The following ETS1 variants were observed in gnomAD, a reference collection of about 807,000 sequenced individuals.
The protein encoded by ETS1 is protein C-ets-1.
Under a neutral mutation model 58.6 loss-of-function variants are expected in ETS1, and 15 were observed. That is an observed-to-expected ratio of 0.26 (90% confidence interval 0.17 to 0.39). ETS1 has a LOEUF of 0.39. Among genes scored for constraint, ETS1 ranks in the 10% least tolerant of loss-of-function variants. ETS1 has a pLI of 1.00. For synonymous variants in ETS1, 214 were observed against 218.2 expected, an observed-to-expected ratio of 0.98 and a Z score of 0.17; for missense variants, 417 against 610.5, an observed-to-expected ratio of 0.68 and a Z score of 3.34.
chr11:128,486,157 C>G lies in ETS1; in HGVS notation c.536-11G>C. On this transcript the variant is annotated splice_polypyrimidine_tract_variant and intron_variant, in intron 5 of 9. Coordinates refer to ENST00000392668, the MANE Select transcript of ETS1 (RefSeq NM_001143820.2). ...ATGGTTTCACATCCTCTGTAATGAACAGATAGGGAAGGAACAAAGAGGTCA... is the reference window on the plus strand; with the variant it reads ...ATGGTTTCACATCCTCTGTAATGAAGAGATAGGGAAGGAACAAAGAGGTCA... 1 of 1,569,496 alleles carries G rather than the reference C, an allele frequency of 6.4e-7. No individual in the cohort carries two copies. Among genetic ancestry groups the G allele is most frequent in the Non-Finnish European group, 8.8e-7 (1 of 1,140,110 alleles).
At chr11:128,552,662 A>T (rs574286524) in intron 3 of ETS1, among the ~76,000 whole-genome samples, 1 of 152,344 alleles carries the variant, frequency 6.6e-6, no homozygotes, top group Non-Finnish European at 1.5e-5. Flanking sequence ...ATGACCATTC[A>T]TGAGCATCAT....
intron 3 of ETS1, among the ~76,000 whole-genome samples, chr11:128,540,562 T>A (rs1294271643): frequency 2.0e-5 from 3 of 152,138 alleles, no homozygotes; most frequent in African/African-American, 7.2e-5. Flanking sequence ...CAGGAAAGCC[T>A]GCCCAGTGGG....
chr11:128,461,801 C>G lies in ETS1; in HGVS notation c.*560G>C, dbSNP rs1365441995. 1 of 152,802 alleles carries G rather than the reference C, an allele frequency of 6.5e-6. No homozygotes were observed. The highest frequency in any genetic ancestry group is 1.5e-5 in the Non-Finnish European group (1 of 68,096). The allele number at this position is 152,802 out of a possible 1,614,324, so 9.5% of individuals were successfully genotyped here. A position where few individuals can be genotyped will look rare whatever the true frequency, so the allele number is the denominator to read the frequency against. On this transcript the variant is annotated 3_prime_UTR_variant, in exon 10 of 10. Coordinates refer to ENST00000392668, the MANE Select transcript of ETS1 (RefSeq NM_001143820.2). ...AAATTTAATAAAATAAATTTTAACA[C>G]AACAACGGTTTTGGCCCCTCCCCAC...
intron 3 of ETS1, among the ~76,000 whole-genome samples, chr11:128,516,046 G>A (rs1863515314): frequency 6.6e-6 from 1 of 152,128 alleles, no homozygotes; most frequent in African/African-American, 2.4e-5. Context: ...AATGAAACCA[G>A]ACCTACCACA....
chr11:128,508,702 T>A (rs959227074), intron 3 of ETS1, among the ~76,000 whole-genome samples: 10 of 152,090 alleles, frequency 6.6e-5, no homozygotes, highest in Non-Finnish European at 1.3e-4. Context: ...ACCTGACAAA[T>A]ATAAGAACCA....
At chr11:128,576,160 G>C (rs1463907549) in intron 1 of ETS1, among the ~76,000 whole-genome samples, 1 of 152,148 alleles carries the variant, frequency 6.6e-6, no homozygotes. Context: ...AGTTGCCAGG[G>C]CTCTCAAGGG....
chr11:128,579,331 G>A (rs1864815500), intron 1 of ETS1, among the ~76,000 whole-genome samples: 1 of 151,866 alleles, frequency 6.6e-6, no homozygotes, highest in Non-Finnish European at 1.5e-5. Context: ...CAAACAAAAA[G>A]CATGTCCTTT....
intron 1 of ETS1, among the ~76,000 whole-genome samples, chr11:128,573,549 A>G (rs1431324617): frequency 6.6e-6 from 1 of 152,214 alleles, no homozygotes; most frequent in Non-Finnish European, 1.5e-5. Flanking sequence ...ATTAATTGAT[A>G]AAGGAATAAA....
intron 2 of ETS1, among the ~76,000 whole-genome samples, chr11:128,571,513 A>AGCCTGGGCG (rs1864632552): frequency 3.7e-4 from 2 of 5,374 alleles, no homozygotes; most frequent in African/African-American, 1.5e-3. Context: ...AAAAAAAAAA[A>AGCCTGGGCG]AAAAAAAAAA....
intron 8 of ETS1, among the ~76,000 whole-genome samples, chr11:128,474,225 A>G (rs374364356): frequency 1.1e-3 from 169 of 152,344 alleles, no homozygotes; most frequent in African/African-American, 3.8e-3. Context: ...ACCAGGGTGC[A>G]GGATGTATTG....
chr11:128,562,333 C>A (rs762806748), intron 2 of ETS1, among the ~76,000 whole-genome samples: 2 of 152,108 alleles, frequency 1.3e-5, no homozygotes, highest in African/African-American at 4.8e-5. Context: ...CATTTGAACC[C>A]GGGAGACAGA....
intron 3 of ETS1, among the ~76,000 whole-genome samples, chr11:128,521,342 T>TATC (rs1470164726): frequency 6.6e-6 from 1 of 152,184 alleles, no homozygotes; most frequent in Admixed American, 6.5e-5. Flanking sequence ...GTCGGACGTT[T>TATC]CTCAAAGTTA....
intron 8 of ETS1, among the ~76,000 whole-genome samples, chr11:128,467,036 G>A (rs1278971307): frequency 1.3e-5 from 2 of 152,208 alleles, no homozygotes; most frequent in Non-Finnish European, 2.9e-5. Context: ...AGGAGTTCAT[G>A]ATGGCCGCTG....
chr11:128,490,691 T>TCACCAGAG (rs1862772143), intron 3 of ETS1, 115 bp from the exon 4 acceptor site: 2 of 653,772 alleles, frequency 3.1e-6, no homozygotes, highest in East Asian at 6.0e-5. Context: ...GCTAGCATCC[T>TCACCAGAG]CACCAGAGCA....
chr11:128,575,650 T>C (rs1175210103), intron 1 of ETS1, among the ~76,000 whole-genome samples: 1 of 152,178 alleles, frequency 6.6e-6, no homozygotes, highest in East Asian at 1.9e-4. Flanking sequence ...ATCGACAGGC[T>C]CACACATAAC....
At chr11:128,497,661 G>A (rs1052541717) in intron 3 of ETS1, 27 of 872,236 alleles carry the variant, frequency 3.1e-5, no homozygotes, top group Non-Finnish European at 3.7e-5. Flanking sequence ...ATTCGGCAGC[G>A]CCGGAGTTCA....
chr11:128,587,297 C>T (rs773894587), intron 1 of ETS1, among the ~76,000 whole-genome samples, 191 bp downstream of exon 1: 33 of 151,744 alleles, frequency 2.2e-4, no homozygotes, highest in Non-Finnish European at 4.9e-4. Context: ...ACTATTCTGA[C>T]GAGGTTAGGA....
At chr11:128,551,829 G>A (rs964999178) in intron 3 of ETS1, among the ~76,000 whole-genome samples, 12 of 152,022 alleles carry the variant, frequency 7.9e-5, no homozygotes, top group African/African-American at 2.2e-4. Flanking sequence ...GCTAAGTGAC[G>A]GCACTGTTTT....
intron 3 of ETS1, among the ~76,000 whole-genome samples, chr11:128,502,896 C>T (rs1267122750): frequency 6.6e-6 from 1 of 152,188 alleles, no homozygotes; most frequent in African/African-American, 2.4e-5. Context: ...CTCCTGCATG[C>T]CTTCATTGTG....
Sources: gnomAD v4.1 joint callset for allele counts (sites outside exome capture counted in the v4.1 genomes callset) on GRCh38, gnomAD v4.1.1 for gene constraint, MANE v1.5 for transcripts, NCBI Gene and HGNC (gene_info 2026-07-23, HGNC 2026-07-21) for gene names.